CBLN2: variants seen among roughly 807,000 people sequenced by gnomAD.
CBLN2 encodes cerebellin 2 precursor.
CBLN2 carries 7 observed loss-of-function variants against 15.0 expected under a neutral mutation model. The observed-to-expected ratio is 0.47, with a 90% confidence interval of 0.27 to 0.88. The LOEUF (loss-of-function observed/expected upper bound fraction) is 0.88. Among genes scored for constraint, CBLN2 ranks in the 40% least tolerant of loss-of-function variants. The probability of loss-of-function intolerance (pLI) is 0.14; values close to 1 mark genes in which losing one functional copy is unlikely to be tolerated. For missense variants in CBLN2, 242 were observed against 304.5 expected, an observed-to-expected ratio of 0.79 and a Z score of 1.53; for synonymous variants, 149 against 135.2, an observed-to-expected ratio of 1.10 and a Z score of -0.71.
chr18:72,598,971 C>A (rs912761225), intron 1 of CBLN2, among the ~76,000 whole-genome samples: 1 of 152,138 alleles, frequency 6.6e-6, no homozygotes, highest in East Asian at 1.9e-4. Flanking sequence ...CCTTTCCTAC[C>A]GTCTTTAGTG....
chr18:72,572,093 C>A (rs1303378862), intron 1 of CBLN2, among the ~76,000 whole-genome samples: 1 of 152,082 alleles, frequency 6.6e-6, no homozygotes, highest in Admixed American at 6.6e-5. Context: ...TACTGTGGAG[C>A]CCATAATCTA....
chr18:72,620,748 T>C (rs1297911911), intron 1 of CBLN2, among the ~76,000 whole-genome samples: 1 of 152,168 alleles, frequency 6.6e-6, no homozygotes, highest in Non-Finnish European at 1.5e-5. Flanking sequence ...GCCTCTATCA[T>C]TGTATCAACT....
At chr18:72,602,530 G>C (rs900170995) in intron 1 of CBLN2, among the ~76,000 whole-genome samples, 32 of 152,114 alleles carry the variant, frequency 2.1e-4, no homozygotes, top group African/African-American at 7.7e-4. Context: ...GTGATAGTCA[G>C]CTGCATGCCA....
In CBLN2 at chr18:72,586,143, C is replaced by T. The variant is rs374486236; in HGVS notation, c.16-47371G>A. On this transcript the variant is annotated intron_variant, in intron 1 of 2. Transcript: ENST00000581073. ...GGGCTTCTGCCTGTTCCTGGCTCCC[C>T]GCTTGCTCCCTGGAGCATGCAGCCC... 3.1e-4 allele frequency among the ~76,000 whole-genome samples: 47 copies of T among 152,298 alleles called. 1 individual carries two copies. Among genetic ancestry groups the T allele is most frequent in the African/African-American group, 5.1e-4 (21 of 41,576 alleles).
At chr18:72,564,426 C>T (rs1310257665) in intron 1 of CBLN2, among the ~76,000 whole-genome samples, 1 of 151,966 alleles carries the variant, frequency 6.6e-6, no homozygotes, top group Admixed American at 6.6e-5. Context: ...TCGAGAGCTT[C>T]AGCAACAAAA....
intron 1 of CBLN2, among the ~76,000 whole-genome samples, chr18:72,626,665 A>T (rs2069741633): frequency 6.6e-6 from 1 of 152,130 alleles, no homozygotes; most frequent in Non-Finnish European, 1.5e-5. Flanking sequence ...GCACCACTGT[A>T]CTCCAACCTT....
At chr18:72,627,215 T>C (rs746913837) in intron 1 of CBLN2, among the ~76,000 whole-genome samples, 1 of 152,208 alleles carries the variant, frequency 6.6e-6, no homozygotes, top group African/African-American at 2.4e-5. Context: ...TGGCAATCAA[T>C]AGCAGAATGG....
rs1328526641 is a variant in CBLN2 at position 72,618,171 on chromosome 18, G to T, written c.15+20154C>A. 4 of 173,592 alleles carry T rather than the reference G, an allele frequency of 2.3e-5. No individual in the cohort carries two copies. In the East Asian group the frequency reaches 4.4e-4, roughly 19 times the overall value. The allele number at this position is 173,592 out of a possible 1,614,324, so 10.8% of individuals were successfully genotyped here. ...GGTCTTTTCAAAACAGGCTATAAAAGTTTCCTTTCTATGAGATCTCTTTGC... is the reference window on the plus strand; with the variant it reads ...GGTCTTTTCAAAACAGGCTATAAAATTTTCCTTTCTATGAGATCTCTTTGC... On this transcript the variant is annotated intron_variant, in intron 1 of 2. Coordinates refer to the CBLN2 transcript ENST00000581073.
chr18:72,622,190 G>C (rs1568134604), intron 1 of CBLN2, among the ~76,000 whole-genome samples: 1 of 152,096 alleles, frequency 6.6e-6, no homozygotes, highest in Admixed American at 6.6e-5. Flanking sequence ...CCTCTTGAAT[G>C]TTCTTATTTT....
chr18:72,618,275 G>T, intron 1 of CBLN2: 1 of 364,358 alleles, frequency 2.7e-6, no homozygotes. Context: ...TCATGTCTAA[G>T]TCAGAGTCTC....
At chr18:72,579,034 T>C (rs2069386539) in intron 1 of CBLN2, among the ~76,000 whole-genome samples, 1 of 152,224 alleles carries the variant, frequency 6.6e-6, no homozygotes, top group Non-Finnish European at 1.5e-5. Flanking sequence ...GCTTGGTCAA[T>C]TACAAATGAT....
chr18:72,626,327 G>A (rs2069739037), intron 1 of CBLN2, among the ~76,000 whole-genome samples: 1 of 152,060 alleles, frequency 6.6e-6, no homozygotes, highest in Non-Finnish European at 1.5e-5. Context: ...ATTGGTATTA[G>A]TAGAATTTCA....
At chr18:72,622,001 G>GTGGGT (rs1389961777) in intron 1 of CBLN2, among the ~76,000 whole-genome samples, 1 of 152,198 alleles carries the variant, frequency 6.6e-6, no homozygotes, top group Admixed American at 6.5e-5. Context: ...AGGGATTGCT[G>GTGGGT]TGGGTTTTGT....
At chr18:72,637,276 A>G (rs1265697113) in intron 1 of CBLN2, among the ~76,000 whole-genome samples, 1 of 21,752 alleles carries the variant, frequency 4.6e-5, no homozygotes, top group Non-Finnish European at 1.2e-4. Flanking sequence ...GTGCCACAGA[A>G]CAAGCAAAAA....
rs72634446 is a variant in CBLN2 at position 72,570,694 on chromosome 18, C to T, written c.16-31922G>A. Among the ~76,000 whole-genome samples, 7,512 of 152,054 alleles carry T rather than the reference C, an allele frequency of 0.049. 821 individuals carry two copies. In the East Asian group the frequency reaches 0.5, roughly 10 times the overall value. ...CTTGCAGGACATCCAAGCATCAAAA[C>T]CATCAACGCAAACCCCACAATTTCA... On this transcript the variant is annotated intron_variant, in intron 1 of 2. Coordinates refer to the CBLN2 transcript ENST00000581073.
intron 1 of CBLN2, among the ~76,000 whole-genome samples, chr18:72,593,703 C>A (rs999501981): frequency 6.6e-6 from 1 of 152,106 alleles, no homozygotes; most frequent in East Asian, 1.9e-4. Flanking sequence ...GTTCTTTGAG[C>A]ATTTTTATTA....
At chr18:72,619,873 C>T (rs2069688229) in intron 1 of CBLN2, among the ~76,000 whole-genome samples, 1 of 152,206 alleles carries the variant, frequency 6.6e-6, no homozygotes, top group Non-Finnish European at 1.5e-5. Flanking sequence ...TTTCTCAGTC[C>T]ACCCATGTCT....
chr18:72,619,415 G>A (rs1344979029), intron 1 of CBLN2, among the ~76,000 whole-genome samples: 2 of 152,290 alleles, frequency 1.3e-5, no homozygotes, highest in African/African-American at 4.8e-5. Context: ...GTGATTAATT[G>A]TAGAACAGGT....
rs184145212 is a variant in CBLN2, at chr18:72,560,210, G to A, written c.16-21438C>T. 2.3e-3 allele frequency among the ~76,000 whole-genome samples: 345 copies of A among 152,288 alleles called. 3 individuals are homozygous for A. The highest frequency in any genetic ancestry group is 7.7e-3 in the African/African-American group (322 of 41,552). On this transcript the variant is annotated intron_variant, in intron 1 of 2. Transcript: ENST00000581073. Reference sequence around the variant, plus strand: ...CCTTGTGGGTCTAAAGAGGGAGGGCGCAGGATGGCTGGGTTCCTTCTTGCA... The same window carrying A: ...CCTTGTGGGTCTAAAGAGGGAGGGCACAGGATGGCTGGGTTCCTTCTTGCA...
Sources: gnomAD v4.1 joint callset for allele counts (sites outside exome capture counted in the v4.1 genomes callset) on GRCh38, gnomAD v4.1.1 for gene constraint, MANE v1.5 for transcripts, NCBI Gene and HGNC (gene_info 2026-07-23, HGNC 2026-07-21) for gene names.